Variants in LAMA3 observed in about 807,000 individuals in gnomAD.
LAMA3 encodes laminin subunit alpha 3.
A neutral mutation model predicts 402.0 loss-of-function variants in LAMA3; 281 were observed. The ratio of observed to expected loss-of-function variants is 0.70; its 90% CI spans 0.63 to 0.77. The LOEUF (loss-of-function observed/expected upper bound fraction) is 0.77. LAMA3 is among the 30% of genes least tolerant of loss of function. LAMA3 has a pLI of 0.00. For missense variants in LAMA3, 3,840 were observed against 4,215.5 expected (o/e 0.91, Z 2.47); for synonymous variants, 1,431 against 1,558.4 (o/e 0.92, Z 1.93).
At chr18:23,828,334 A>G (rs1306615180) in intron 23 of LAMA3, among the ~76,000 whole-genome samples, 1 of 152,214 alleles carries the variant, frequency 6.6e-6, no homozygotes, top group Non-Finnish European at 1.5e-5. Flanking sequence ...TTTCTTAAGT[A>G]AAGTCTTCAT....
At chr18:23,896,777 G>A (rs1244970787) in intron 44 of LAMA3, among the ~76,000 whole-genome samples, 1 of 152,218 alleles carries the variant, frequency 6.6e-6, no homozygotes, top group Admixed American at 6.5e-5. Flanking sequence ...TACTCTCAAC[G>A]CCACTATGGT....
intron 5 of LAMA3, 64 bp from the exon 6 acceptor site, chr18:23,753,657 C>T: frequency 8.2e-7 from 1 of 1,217,466 alleles, no homozygotes. Context: ...GGGTTAAAGA[C>T]TAGTAAGAGA....
Position 23,763,511 on chromosome 18 carries a change from C to T in LAMA3, c.1170C>T (p.Cys390=), listed in dbSNP as rs1568159099. 8 of 1,593,766 alleles carry T rather than the reference C, an allele frequency of 5.0e-6. No homozygotes were observed. The highest frequency in any genetic ancestry group is 6.9e-6 in the Non-Finnish European group (8 of 1,161,534). ...GCATCTATGCTGGTGGAGGGGTCTG[C>T]ATTAACTGTCAGGTGAGGCACTATT... ...TQGIYAGGGV[C]INCQHNTAGV... The change falls in exon 8 of 75, where the codon TGC becomes TGT. Residue 390 remains cysteine, a synonymous_variant. Coordinates refer to ENST00000313654, the MANE Select transcript of LAMA3 (RefSeq NM_198129.4).
intron 55 of LAMA3, among the ~76,000 whole-genome samples, chr18:23,911,614 C>T (rs1173837601): frequency 1.3e-5 from 2 of 151,652 alleles, no homozygotes; most frequent in African/African-American, 2.4e-5. Context: ...AATGGTCCTT[C>T]ACCACAGAGA....
chr18:23,836,707 C>T (rs768736631), intron 24 of LAMA3, among the ~76,000 whole-genome samples: 3 of 152,076 alleles, frequency 2.0e-5, no homozygotes, highest in Non-Finnish European at 2.9e-5. Context: ...CCCTTTCTCT[C>T]GAGGACTAAA....
chr18:23,717,383 C>T (rs532584729), intron 2 of LAMA3, among the ~76,000 whole-genome samples: 1 of 152,150 alleles, frequency 6.6e-6, no homozygotes, highest in East Asian at 1.9e-4. Flanking sequence ...ATCACTTCAC[C>T]TGCTAAGAAC....
intron 60 of LAMA3, among the ~76,000 whole-genome samples, 189 bp downstream of exon 60, chr18:23,916,884 A>G (rs946305450): frequency 9.1e-5 from 13 of 143,516 alleles, no homozygotes; most frequent in Admixed American, 7.0e-4. Flanking sequence ...TTTTTTTAAC[A>G]TTTTTAGTTT....
intron 62 of LAMA3, 123 bp downstream of exon 62, chr18:23,921,708 C>T (rs2081846462): frequency 9.6e-6 from 9 of 932,722 alleles, no homozygotes; most frequent in South Asian, 5.4e-5. Context: ...TTAACTTTTC[C>T]ATATTAACAG....
chr18:23,876,246 A>G (rs1451784070), intron 38 of LAMA3, 48 bp from the exon 39 acceptor site: 1 of 1,231,408 alleles, frequency 8.1e-7, no homozygotes, highest in Non-Finnish European at 1.2e-6. Flanking sequence ...TTTGGATAGT[A>G]ATTGTTTTCT....
intron 73 of LAMA3, among the ~76,000 whole-genome samples, 169 bp from the exon 74 acceptor site, chr18:23,952,821 A>T (rs1464128100): frequency 6.6e-6 from 1 of 152,260 alleles, no homozygotes. Context: ...ACGTGGAAGC[A>T]CTACCTGGTG....
chr18:23,721,752 C>A (rs925307862), intron 2 of LAMA3, among the ~76,000 whole-genome samples: 1 of 152,192 alleles, frequency 6.6e-6, no homozygotes, highest in Non-Finnish European at 1.5e-5. Flanking sequence ...GAACCCATGG[C>A]AGCTCTCCCC....
At chr18:23,821,196 T>C (rs2063278973) in intron 19 of LAMA3, among the ~76,000 whole-genome samples, 1 of 152,246 alleles carries the variant, frequency 6.6e-6, no homozygotes, top group African/African-American at 2.4e-5. Context: ...AAAGTTATTT[T>C]GGTCAGAGGA....
chr18:23,871,587 A>T lies in LAMA3; in HGVS notation c.4924A>T (p.Thr1642Ser). 1 of 1,614,166 alleles carries T rather than the reference A, an allele frequency of 6.2e-7. No individual in the cohort carries two copies. The highest frequency in any genetic ancestry group is 8.5e-7 in the Non-Finnish European group (1 of 1,180,000). ...GGTGGGGCTAGAGGAAGCCTCTGAC[A>T]CAGGAAGTGGGCGCATAGCACTTGC... ...SEVGLEEASD[T>S]GSGRIALAVE... Residue 1642 changes from threonine to serine, a missense_variant, in exon 38 of 75, where the codon ACA becomes TCA. By Grantham distance (58) the Thr-to-Ser change is moderately conservative. Around this residue, in one of 3 missense-constraint regions of LAMA3, gnomAD observed 2,109 missense variants for 2,376.0 expected, o/e 0.89. Transcript: ENST00000313654.
chr18:23,935,974 A>G (rs1216452662), intron 67 of LAMA3, among the ~76,000 whole-genome samples: 1 of 151,918 alleles, frequency 6.6e-6, no homozygotes, highest in Non-Finnish European at 1.5e-5. Flanking sequence ...TGGAGGCAGG[A>G]TGTGGCTGGG....
chr18:23,776,030 T>A, intron 10 of LAMA3, 107 bp downstream of exon 10: 3 of 1,104,996 alleles, frequency 2.7e-6, no homozygotes, highest in Non-Finnish European at 4.1e-6. Context: ...GAGACAGAAA[T>A]GGGGCCAGGT....
intron 19 of LAMA3, among the ~76,000 whole-genome samples, chr18:23,820,618 T>G (rs1419493545): frequency 6.6e-6 from 1 of 152,248 alleles, no homozygotes. Flanking sequence ...TTGTTTACCT[T>G]TAGAACTTAT....
chr18:23,948,002 C>T (rs2145543865), intron 70 of LAMA3, among the ~76,000 whole-genome samples: 1 of 152,046 alleles, frequency 6.6e-6, no homozygotes, highest in Non-Finnish European at 1.5e-5. Context: ...TTAGTAGAGA[C>T]GGGGTTTCAC....
Position 23,738,572 on chromosome 18 carries a change from G to C in LAMA3, c.448-9371G>C, listed in dbSNP as rs148107653. Among the ~76,000 whole-genome samples, 129 of 152,326 alleles carry C rather than the reference G, an allele frequency of 8.5e-4. 1 individual carries two copies. Among genetic ancestry groups the C allele is most frequent in the Middle Eastern group, 3.4e-3 (1 of 294 alleles). ...TCAGGCCCAGAAAATGAGCAGAAGT[G>C]AAGAAGGCTGCATAGTCAGGACCAC... On this transcript the variant is annotated intron_variant, in intron 2 of 74. Transcript: ENST00000313654.
At chr18:23,916,756 G>T in intron 60 of LAMA3, 61 bp downstream of exon 60, 1 of 1,544,654 alleles carries the variant, frequency 6.5e-7, no homozygotes, top group Non-Finnish European at 8.9e-7. Context: ...GCAATTTGGA[G>T]ATAACTGGGT....
Sources: gnomAD v4.1 joint callset for allele counts (sites outside exome capture counted in the v4.1 genomes callset) on GRCh38, gnomAD v4.1.1 for gene constraint, gnomAD v4.1.1 regional missense constraint, MANE v1.5 for transcripts, NCBI Gene and HGNC (gene_info 2026-07-23, HGNC 2026-07-21) for gene names.